The following RAD51AP2 variants were observed in gnomAD, a reference collection of about 807,000 sequenced individuals.
RAD51AP2 encodes RAD51 associated protein 2.
RAD51AP2 carries 67 observed loss-of-function variants against 85.5 expected under a neutral mutation model. That is an observed-to-expected ratio of 0.78 (90% CI 0.64 to 0.96). RAD51AP2 has a LOEUF of 0.96. Ranked by LOEUF, RAD51AP2 falls within the 40% of genes least tolerant of loss-of-function variation. The probability of loss-of-function intolerance (pLI) is 0.00; values close to 1 mark genes in which losing one functional copy is unlikely to be tolerated. For missense variants in RAD51AP2, 1,307 were observed against 1,332.4 expected (o/e 0.98, Z 0.30); for synonymous variants, 474 against 446.5 (o/e 1.06, Z -0.78).
At chr2:17,531,154 T>A in the RAD51AP2 span, among the ~76,000 whole-genome samples, 1 of 152,176 alleles carries the variant, frequency 6.6e-6, no homozygotes, top group South Asian at 2.1e-4. Context: ...AATTAGTAAG[T>A]TTAGTCAGCT....
Position 17,516,399 on chromosome 2 carries a change from T to C in RAD51AP2, c.2017A>G (p.Thr673Ala). The change falls in exon 1 of 3, where the codon ACA (threonine) becomes GCA (alanine). Residue 673 changes from threonine (T) to alanine (A), a missense_variant. Coordinates refer to ENST00000399080, the MANE Select transcript of RAD51AP2 (RefSeq NM_001099218.3). ...ATCGGAAAACCTGTATTTTGAGTTG[T>C]CATACTGAAGGAATTAATGAGTTTT... is the stretch of plus-strand genomic sequence containing the variant. ...KKKLINSFSMTTQNTGFPIFE... is the reference protein window; with the variant it reads ...KKKLINSFSMATQNTGFPIFE... 6.2e-7 allele frequency: 1 copy of C among 1,609,742 alleles called. No homozygotes were observed. The highest frequency in any genetic ancestry group is 8.5e-7 in the Non-Finnish European group (1 of 1,178,442).
chr2:17,527,271 G>C, the RAD51AP2 span, among the ~76,000 whole-genome samples: 1 of 152,130 alleles, frequency 6.6e-6, no homozygotes, highest in African/African-American at 2.4e-5. Flanking sequence ...AGGAAGAAGG[G>C]AGGAACAAGG....
At position 17,517,466 on chromosome 2, in the gene RAD51AP2, A is replaced by G; in HGVS notation, c.950T>C (p.Val317Ala). The G allele has an allele frequency of 6.2e-7, 1 of 1,613,954 alleles. No homozygotes were observed. The highest frequency in any genetic ancestry group is 8.5e-7 in the Non-Finnish European group (1 of 1,179,992). ...TTTGGAAAAAATGTTTTCCGCTTCT[A>G]CAGTTTTTTTATCATTCTGTAACTT... ...KQKLQNDKKT[V>A]EAENIFSKCY... Residue 317 changes from valine to alanine, a missense_variant, in exon 1 of 3, where the codon GTA (valine) becomes GCA (alanine). Transcript: ENST00000399080.
In RAD51AP2 at chr2:17,517,638, G is replaced by C; in HGVS notation, c.778C>G (p.Pro260Ala). 6.2e-7 allele frequency: 1 copy of C among 1,613,922 alleles called. No individual in the cohort carries two copies. The highest frequency in any genetic ancestry group is 8.5e-7 in the Non-Finnish European group (1 of 1,179,966). ...CTATTTAAGTCCATTGGAAACTGAG[G>C]GACACTTATTGTGCCGCTATCTCTA... ...YFRDSGTISV[P>A]QFPMDLNSKM... The change falls in exon 1 of 3, where the codon CCT becomes GCT. Residue 260 changes from proline (P) to alanine (A), a missense_variant. Physicochemically the swap from Pro to Ala is conservative, Grantham distance 27. Around this residue, in one of 3 missense-constraint regions of RAD51AP2, gnomAD observed 635 missense variants for 643.6 expected, o/e 0.99. Transcript: ENST00000399080.
chr2:17,517,293 A>T lies in RAD51AP2; in HGVS notation c.1123T>A (p.Trp375Arg), dbSNP rs1242455668. ...KNFAILENANWEEAECLDSYV... is the reference protein window; with the variant it reads ...KNFAILENANREEAECLDSYV... ...CTGTCCAGACATTCTGCTTCCTCCC[A>T]ATTTGCATTTTCTAGTATAGCGAAA... Residue 375 changes from tryptophan to arginine, a missense_variant, in exon 1 of 3, where the codon TGG (tryptophan) becomes AGG (arginine). This residue lies in a region of RAD51AP2 where 635 missense variants were observed against 643.6 expected (regional missense o/e 0.99). Coordinates refer to ENST00000399080, the MANE Select transcript of RAD51AP2 (RefSeq NM_001099218.3). 2 of 1,613,832 alleles carry T rather than the reference A, an allele frequency of 1.2e-6. No individual in the cohort carries two copies. The highest frequency in any genetic ancestry group is 2.7e-5 in the African/African-American group (2 of 74,892).
At chr2:17,531,095 A>G in the RAD51AP2 span, among the ~76,000 whole-genome samples, 1,771 of 152,330 alleles carry the variant, frequency 0.012, 24 homozygotes, top group South Asian at 0.043. Flanking sequence ...TTGCTAAAGC[A>G]CAAATGTGAA....
rs181531922 is a variant in RAD51AP2 at position 17,516,368 on chromosome 2, T to C, written c.2048A>G (p.Glu683Gly). The C allele has an allele frequency of 0.012, 19,391 of 1,611,566 alleles. 135 individuals carry two copies. The highest frequency in any genetic ancestry group is 0.014 in the Non-Finnish European group (16,981 of 1,179,110). Residue 683 changes from glutamate to glycine, a missense_variant, in exon 1 of 3, where the codon GAA becomes GGA. Glu to Gly is a moderately conservative substitution (Grantham distance 98, BLOSUM62 -2). This residue lies in a region of RAD51AP2 where 668 missense variants were observed against 671.0 expected (regional missense o/e 1.00). Coordinates refer to ENST00000399080, the MANE Select transcript of RAD51AP2 (RefSeq NM_001099218.3). ...TAAAAGGGGAATTTTTTCATATGTT[T>C]CAAAAATCGGAAAACCTGTATTTTG... ...TTQNTGFPIF[E>G]TYEKIPLLMD...
the RAD51AP2 span, among the ~76,000 whole-genome samples, chr2:17,532,017 C>T: frequency 1.3e-5 from 2 of 151,782 alleles, no homozygotes; most frequent in African/African-American, 4.9e-5. Flanking sequence ...ATTCAAACCT[C>T]GGCAATTTTC....
upstream of RAD51AP2, among the ~76,000 whole-genome samples, chr2:17,523,424 T>G (rs1662899024): frequency 6.6e-6 from 1 of 151,826 alleles, no homozygotes; most frequent in South Asian, 2.1e-4. Context: ...GATCAGAGCT[T>G]TTTTTTCTAG....
the RAD51AP2 span, among the ~76,000 whole-genome samples, chr2:17,527,147 TC>T: frequency 1.3e-5 from 2 of 152,198 alleles, no homozygotes; most frequent in East Asian, 3.8e-4. Context: ...GCCTTCTATT[TC>T]TTTACCTGAG....
chr2:17,515,550 G>T lies in RAD51AP2; in HGVS notation c.2866C>A (p.Leu956Met). The T allele has an allele frequency of 6.2e-7, 1 of 1,608,820 alleles. No homozygotes were observed. ...LAAKYLSTEA[L>M]TIVKDFEMKR... is the part of the protein sequence containing the mutation. ...ATCTCAAAATCTTTTACTATTGTCA[G>T]AGCTTCTGTTGATAAATATTTAGCA... The change falls in exon 1 of 3, where the codon CTG becomes ATG. Residue 956 changes from leucine to methionine, a missense_variant. This residue lies in a region of RAD51AP2 where 668 missense variants were observed against 671.0 expected (regional missense o/e 1.00). Transcript: ENST00000399080.
At chr2:17,524,224 G>GTGTTTTGT in the RAD51AP2 span, among the ~76,000 whole-genome samples, 2 of 151,924 alleles carry the variant, frequency 1.3e-5, no homozygotes, top group East Asian at 3.8e-4. Flanking sequence ...AAACATTCAT[G>GTGTTTTGT]TGTTTTGTTG....
At chr2:17,514,542 G>C (rs76593455) in intron 1 of RAD51AP2, among the ~76,000 whole-genome samples, 4,229 of 151,920 alleles carry the variant, frequency 0.028, 61 homozygotes, top group Middle Eastern at 0.055. Context: ...GCGGCGGGGG[G>C]GGTGGATCAC....
Position 17,516,542 on chromosome 2 carries a change from T to C in RAD51AP2, c.1874A>G (p.His625Arg). The C allele has an allele frequency of 1.3e-6, 2 of 1,566,200 alleles. No homozygotes were observed. The highest frequency in any genetic ancestry group is 1.7e-6 in the Non-Finnish European group (2 of 1,145,716). Residue 625 changes from histidine to arginine, a missense_variant, in exon 1 of 3, where the codon CAT (histidine) becomes CGT (arginine). By Grantham distance (29) the His-to-Arg change is conservative. Transcript: ENST00000399080. Reference protein sequence around the residue: ...LKYPKNIVENHTAYLVKILTS... With the variant: ...LKYPKNIVENRTAYLVKILTS... Reference sequence around the variant, plus strand: ...TAAAATCTTTACTAGATATGCAGTATGATTTTCCACTATATTTTTTGGATA... The same window carrying C: ...TAAAATCTTTACTAGATATGCAGTACGATTTTCCACTATATTTTTTGGATA...
chr2:17,537,315 CCT>C, the RAD51AP2 span, among the ~76,000 whole-genome samples: 744 of 152,084 alleles, frequency 4.9e-3, 8 homozygotes, highest in African/African-American at 0.017. Context: ...GAGCGAGACC[CCT>C]GTCTCTCTCA....
At chr2:17,514,113 G>T (rs766396294) in intron 1 of RAD51AP2, 21 bp from the exon 2 acceptor site, 6 of 1,363,158 alleles carry the variant, frequency 4.4e-6, no homozygotes, top group African/African-American at 1.5e-5. Flanking sequence ...AGAGTGATAT[G>T]TTACAGCAAA....
upstream of RAD51AP2, among the ~76,000 whole-genome samples, chr2:17,519,792 T>C (rs545841210): frequency 3.2e-4 from 48 of 152,336 alleles, no homozygotes; most frequent in African/African-American, 1.2e-3. Context: ...TCTTATGTTC[T>C]ATTGCTTTTC....
At position 17,517,310 on chromosome 2, in the gene RAD51AP2, A is replaced by T. The variant is rs780486593; in HGVS notation, c.1106T>A (p.Ile369Lys). 6 of 1,613,936 alleles carry T rather than the reference A, an allele frequency of 3.7e-6. No homozygotes were observed. The highest frequency in any genetic ancestry group is 5.1e-6 in the Non-Finnish European group (6 of 1,179,990). The change falls in exon 1 of 3, where the codon ATA becomes AAA. Residue 369 changes from isoleucine (I) to lysine (K), a missense_variant. Physicochemically the swap from Ile to Lys is moderately radical, Grantham distance 102. Transcript: ENST00000399080. ...TTCCTCCCAATTTGCATTTTCTAGT[A>T]TAGCGAAATTCTTTCTAGAGTCTCT... is the stretch of plus-strand genomic sequence containing the variant. ...NVRDSRKNFA[I>K]LENANWEEAE...
rs373375409 is a variant in RAD51AP2 at position 17,517,251 on chromosome 2, G to T, written c.1165C>A (p.Leu389Met). The change falls in exon 1 of 3, where the codon CTG (leucine) becomes ATG (methionine). Residue 389 changes from leucine (L) to methionine (M), a missense_variant. Leu to Met is a conservative substitution (Grantham distance 15, BLOSUM62 2). Transcript: ENST00000399080. ...ECLDSYVLTRLEKSQNWDCNV... is the reference protein window; with the variant it reads ...ECLDSYVLTRMEKSQNWDCNV... ...CAGTCCCAGTTTTGAGATTTTTCCA[G>T]CCTGGTAAGTACGTAACTGTCCAGA... The T allele has an allele frequency of 1.9e-6, 3 of 1,613,746 alleles. No individual in the cohort carries two copies. The South Asian group carries it at 3.3e-5, about 18-fold the overall frequency.
Sources: gnomAD v4.1 joint callset for allele counts (sites outside exome capture counted in the v4.1 genomes callset) on GRCh38, gnomAD v4.1.1 for gene constraint, gnomAD v4.1.1 regional missense constraint, MANE v1.5 for transcripts, NCBI Gene and HGNC (gene_info 2026-07-23, HGNC 2026-07-21) for gene names.